RASL12: variants seen among roughly 807,000 people sequenced by gnomAD.
RASL12 encodes the protein ras-like protein family member 12.
RASL12 carries 16 observed loss-of-function variants against 22.9 expected under a neutral mutation model. The observed-to-expected ratio is 0.70, with a 90% confidence interval of 0.47 to 1.06. RASL12 has a LOEUF of 1.06. Ranked by LOEUF, RASL12 falls within the 50% of genes least tolerant of loss-of-function variation. The probability of loss-of-function intolerance (pLI) is 0.00; values close to 1 mark genes in which losing one functional copy is unlikely to be tolerated. For synonymous variants in RASL12, 159 were observed against 152.2 expected (o/e 1.04, Z -0.33); for missense variants, 306 against 353.1 (o/e 0.87, Z 1.07).
intron 1 of RASL12, among the ~76,000 whole-genome samples, chr15:65,066,358 A>T (rs895017265): frequency 1.3e-5 from 2 of 152,178 alleles, no homozygotes; most frequent in African/African-American, 4.8e-5. Flanking sequence ...ATCTCTAAAA[A>T]AATTGAAAAA....
downstream of RASL12, among the ~76,000 whole-genome samples, chr15:65,048,683 C>T (rs1383003924): frequency 6.6e-6 from 1 of 152,164 alleles, no homozygotes; most frequent in Non-Finnish European, 1.5e-5. Flanking sequence ...CAAGACACAG[C>T]TTAATGTGTT....
intron 1 of RASL12, among the ~76,000 whole-genome samples, chr15:65,065,962 T>C (rs1045375200): frequency 2.6e-5 from 4 of 151,630 alleles, no homozygotes; most frequent in African/African-American, 4.9e-5. Flanking sequence ...AGCCAACTAC[T>C]ATACTGGACC....
chr15:65,045,880 CTT>C, the RASL12 span, among the ~76,000 whole-genome samples: 1 of 152,204 alleles, frequency 6.6e-6, no homozygotes, highest in South Asian at 2.1e-4. Flanking sequence ...AGAAATATGT[CTT>C]TGGCCGGGCG....
upstream of RASL12, among the ~76,000 whole-genome samples, chr15:65,069,780 C>T (rs1233960341): frequency 2.0e-5 from 3 of 152,216 alleles, no homozygotes; most frequent in Non-Finnish European, 2.9e-5. Flanking sequence ...AGAGAAGAGA[C>T]GCCTTCATGA....
At chr15:65,075,747 A>C (rs184428145) in intron 1 of RASL12, among the ~76,000 whole-genome samples, 182 of 152,072 alleles carry the variant, frequency 1.2e-3, no homozygotes, top group African/African-American at 4.3e-3. Context: ...TAAACACACC[A>C]ATCAGCACCC....
intron 4 of RASL12, 78 bp from the exon 5 acceptor site, chr15:65,055,352 G>T (rs751857829): frequency 2.3e-6 from 3 of 1,328,856 alleles, no homozygotes; most frequent in South Asian, 1.5e-5. Flanking sequence ...TACACCCAGC[G>T]CCCCATGGAC....
At chr15:65,062,780 G>A (rs2086826377) in intron 2 of RASL12, among the ~76,000 whole-genome samples, 1 of 152,190 alleles carries the variant, frequency 6.6e-6, no homozygotes, top group African/African-American at 2.4e-5. Context: ...ATGGAATGTG[G>A]AGACCTTTAT....
chr15:65,049,599 G>A (rs2086623135), downstream of RASL12: 1 of 153,872 alleles, frequency 6.5e-6, no homozygotes, highest in Admixed American at 6.5e-5. Context: ...GAAGCCAGGT[G>A]CGGACGCTGA....
At chr15:65,058,738 C>G in intron 3 of RASL12, 121 bp from the exon 4 acceptor site, 2 of 760,214 alleles carry the variant, frequency 2.6e-6, no homozygotes, top group Non-Finnish European at 3.9e-6. Context: ...CTCAGCAGAG[C>G]CCTTTCAAAG....
rs551598045 is a variant in RASL12, at chr15:65,063,428, C to T, written c.160+1789G>A. The stretch of plus-strand genomic sequence containing the variant: ...CATGCTCTGGCCTCTTCCAACACCT[C>T]GCCGGCCAGTGCACCATTGCATCCT... On this transcript the variant is annotated intron_variant, in intron 2 of 4. Transcript: ENST00000220062. Among the ~76,000 whole-genome samples the T allele has an allele frequency of 3.0e-4, 46 of 152,240 alleles. No homozygotes were observed. The East Asian group carries it at 3.3e-3, about 11-fold the overall frequency.
chr15:65,050,128 G>A, downstream of RASL12: 3 of 1,538,654 alleles, frequency 1.9e-6, no homozygotes, highest in East Asian at 4.9e-5. Flanking sequence ...TGACGGCAGG[G>A]GTGGGGGTGT....
At chr15:65,069,730 CTG>C (rs2086917921), upstream of RASL12, among the ~76,000 whole-genome samples, 1 of 152,222 alleles carries the variant, frequency 6.6e-6, no homozygotes, top group African/African-American at 2.4e-5. Flanking sequence ...TCCCCTGACA[CTG>C]GCAGCAACCA....
intron 1 of RASL12, among the ~76,000 whole-genome samples, chr15:65,075,550 G>A (rs577952315): frequency 9.2e-5 from 14 of 152,296 alleles, no homozygotes; most frequent in Non-Finnish European, 1.3e-4. Flanking sequence ...TACACCAATC[G>A]GCACTCTGTA....
upstream of RASL12, chr15:65,068,088 G>A: frequency 9.5e-7 from 1 of 1,057,436 alleles, no homozygotes; most frequent in Non-Finnish European, 1.1e-6. This position sits in a 1 kb window ranked among gnomAD's most constrained non-coding sequence, Gnocchi z 4.2. Context: ...CCCCCCGCGG[G>A]GCGCGCTCAG....
At chr15:65,059,744 G>C (rs538763167) in intron 2 of RASL12, among the ~76,000 whole-genome samples, 1 of 152,156 alleles carries the variant, frequency 6.6e-6, no homozygotes, top group Non-Finnish European at 1.5e-5. Flanking sequence ...AGCACAGGCT[G>C]GCTCAGGAGC....
downstream of RASL12, chr15:65,051,532 T>C: frequency 6.2e-7 from 1 of 1,613,700 alleles, no homozygotes; most frequent in African/African-American, 1.3e-5. Flanking sequence ...CTGGAATCAT[T>C]CCATCCTTGC....
chr15:65,066,289 T>C (rs1449265199), intron 1 of RASL12, among the ~76,000 whole-genome samples: 1 of 152,042 alleles, frequency 6.6e-6, no homozygotes, highest in African/African-American at 2.4e-5. Context: ...AGTAATGGGA[T>C]GCCTGTAATT....
chr15:65,051,709 C>T (rs2086655530), downstream of RASL12: 5 of 1,048,786 alleles, frequency 4.8e-6, no homozygotes, highest in Non-Finnish European at 7.2e-6. Flanking sequence ...CATTGCTGTC[C>T]ACCCTTTGGG....
chr15:65,051,689 ACTTAGGGG>A (rs2086655280), downstream of RASL12: 2 of 1,342,560 alleles, frequency 1.5e-6, no homozygotes, highest in Middle Eastern at 1.8e-4. Flanking sequence ...GAGAGGGGTC[ACTTAGGGG>A]TCATTGCTGT....
Sources: allele counts gnomAD v4.1 joint callset (sites outside exome capture counted in the v4.1 genomes callset), GRCh38; gene constraint gnomAD v4.1.1; non-coding constraint Gnocchi (gnomAD v3.1); transcripts MANE v1.5; gene names NCBI Gene and HGNC (gene_info 2026-07-23, HGNC 2026-07-21).